Variants in SNAP91 observed in about 807,000 individuals in gnomAD.
SNAP91 encodes the protein clathrin coat assembly protein AP180.
In SNAP91, 27 loss-of-function variants were observed where a neutral mutation model predicts 100.3. The ratio of observed to expected loss-of-function variants is 0.27; its 90% CI spans 0.20 to 0.37. The LOEUF is 0.37. SNAP91 is among the 10% of genes least tolerant of loss of function. The pLI is 1.00. For synonymous variants in SNAP91, 404 were observed against 398.6 expected (o/e 1.01, Z -0.16); for missense variants, 986 against 1,123.7 (o/e 0.88, Z 1.75).
intron 8 of SNAP91, among the ~76,000 whole-genome samples, chr6:83,635,629 A>C (rs911748568): frequency 6.6e-6 from 1 of 150,702 alleles, no homozygotes; most frequent in African/African-American, 2.5e-5. Flanking sequence ...TTTTAATCCA[A>C]CTTGCCACTC....
At chr6:83,681,861 A>T (rs2098994380) in intron 2 of SNAP91, among the ~76,000 whole-genome samples, 1 of 152,152 alleles carries the variant, frequency 6.6e-6, no homozygotes, top group Non-Finnish European at 1.5e-5. Context: ...TGGACTGAAA[A>T]ACAGTTTAAA....
chr6:83,707,855 C>A lies in SNAP91; in HGVS notation c.73G>T (p.Ala25Ser). 1 of 1,613,046 alleles carries A rather than the reference C, an allele frequency of 6.2e-7. No individual in the cohort carries two copies. The highest frequency in any genetic ancestry group is 8.5e-7 in the Non-Finnish European group (1 of 1,179,540). The part of the protein sequence containing the change: ...YSVTGSAVAR[A>S]VCKATTHEVM... Reference sequence around the variant, plus strand: ...TCATGAGTAGTGGCTTTGCAGACCGCTCTTGCTACAGCAGAGCCTGTAACG... The same window carrying A: ...TCATGAGTAGTGGCTTTGCAGACCGATCTTGCTACAGCAGAGCCTGTAACG... Residue 25 changes from alanine (A) to serine (S), a missense_variant, in exon 2 of 30, where the codon GCG (alanine) becomes TCG (serine). Physicochemically the swap from Ala to Ser is moderately conservative, Grantham distance 99. Coordinates refer to ENST00000369694, the MANE Select transcript of SNAP91 (RefSeq NM_001242792.2).
chr6:83,686,263 T>C (rs931643665), intron 2 of SNAP91: 3 of 880,520 alleles, frequency 3.4e-6, no homozygotes, highest in African/African-American at 1.8e-5. Flanking sequence ...TCACAGGTAA[T>C]AGTTGGTTAC....
At chr6:83,633,359 G>T (rs2097289522) in intron 8 of SNAP91, among the ~76,000 whole-genome samples, 1 of 152,178 alleles carries the variant, frequency 6.6e-6, no homozygotes, top group Admixed American at 6.5e-5. Flanking sequence ...TTGGCCTCCT[G>T]CCAGGAGGTG....
chr6:83,601,216 C>A, intron 16 of SNAP91, 55 bp downstream of exon 16: 1 of 1,584,524 alleles, frequency 6.3e-7, no homozygotes, highest in East Asian at 2.2e-5. Flanking sequence ...GACCTTAACT[C>A]CCAAGTAATT....
At chr6:83,695,276 C>CAAAAAAAA (rs56103542) in intron 2 of SNAP91, among the ~76,000 whole-genome samples, 7 of 67,288 alleles carry the variant, frequency 1.0e-4, no homozygotes, top group African/African-American at 1.3e-4. Context: ...GGCTCCATCT[C>CAAAAAAAA]AAAAAAAAAA....
At chr6:83,657,758 A>C (rs1023354824) in intron 6 of SNAP91, among the ~76,000 whole-genome samples, 8 of 126,246 alleles carry the variant, frequency 6.3e-5, no homozygotes, top group African/African-American at 2.4e-4. Flanking sequence ...ACTTTCATGA[A>C]TCAGATTTCA....
chr6:83,566,065 G>A (rs1481760283), intron 26 of SNAP91, among the ~76,000 whole-genome samples: 1 of 151,680 alleles, frequency 6.6e-6, no homozygotes, highest in Middle Eastern at 3.2e-3. Flanking sequence ...ACTGATGAAT[G>A]GATAAACAAA....
At chr6:83,575,925 G>T (rs79446373) in intron 25 of SNAP91, 98 bp downstream of exon 25, 2 of 673,676 alleles carry the variant, frequency 3.0e-6, no homozygotes, top group South Asian at 1.9e-5. Context: ...TATCTAGCAT[G>T]AGAATGAATA....
intron 8 of SNAP91, among the ~76,000 whole-genome samples, chr6:83,624,947 C>T (rs2096874366): frequency 1.3e-5 from 2 of 151,936 alleles, no homozygotes; most frequent in South Asian, 4.1e-4. Context: ...TACAAGGGTA[C>T]ATTGTATGAT....
At chr6:83,672,007 G>T (rs181140215) in intron 2 of SNAP91, among the ~76,000 whole-genome samples, 1 of 151,772 alleles carries the variant, frequency 6.6e-6, no homozygotes, top group Admixed American at 6.6e-5. Context: ...AACCCCCTGG[G>T]GCCTACTGCT....
chr6:83,667,988 AAAAC>A (rs1167804609), intron 2 of SNAP91, among the ~76,000 whole-genome samples: 1 of 152,308 alleles, frequency 6.6e-6, no homozygotes, highest in African/African-American at 2.4e-5. Flanking sequence ...TTACAAGAAA[AAAAC>A]AAACAACCCC....
At chr6:83,678,807 C>A in intron 2 of SNAP91, 1 of 1,287,660 alleles carries the variant, frequency 7.8e-7, no homozygotes, top group South Asian at 1.2e-5. Flanking sequence ...CCTCATCTTA[C>A]TTCCTAGGAG....
chr6:83,657,691 A>G (rs1490678157), intron 6 of SNAP91, among the ~76,000 whole-genome samples: 1 of 152,182 alleles, frequency 6.6e-6, no homozygotes, highest in Non-Finnish European at 1.5e-5. Flanking sequence ...CAACTACCAA[A>G]ATACAAAAAG....
At chr6:83,580,398 C>G in intron 24 of SNAP91, 52 bp downstream of exon 24, 1 of 1,522,834 alleles carries the variant, frequency 6.6e-7, no homozygotes, top group Non-Finnish European at 8.9e-7. Context: ...AAACAAAAAA[C>G]AATTCACATA....
chr6:83,664,158 G>C (rs2098628020), intron 3 of SNAP91, among the ~76,000 whole-genome samples: 1 of 152,076 alleles, frequency 6.6e-6, no homozygotes, highest in Admixed American at 6.6e-5. Flanking sequence ...GTCACCATAA[G>C]AGCTCTGATG....
intron 16 of SNAP91, among the ~76,000 whole-genome samples, chr6:83,594,930 T>C (rs1382399881): frequency 6.6e-6 from 1 of 152,180 alleles, no homozygotes; most frequent in Non-Finnish European, 1.5e-5. Flanking sequence ...TTAATGCCAA[T>C]AAAATTAAAT....
intron 2 of SNAP91, chr6:83,678,837 C>T: frequency 7.8e-7 from 1 of 1,277,292 alleles, no homozygotes; most frequent in Non-Finnish European, 1.0e-6. Flanking sequence ...AATAAAAATC[C>T]AAGTCTGTTT....
intron 24 of SNAP91, among the ~76,000 whole-genome samples, chr6:83,579,253 G>A (rs1824419802): frequency 6.6e-6 from 1 of 152,168 alleles, no homozygotes; most frequent in Admixed American, 6.5e-5. Context: ...CTCAAAGGTG[G>A]TTGACAGCTG....
Sources: gnomAD v4.1 joint callset for allele counts (sites outside exome capture counted in the v4.1 genomes callset) on GRCh38, gnomAD v4.1.1 for gene constraint, MANE v1.5 for transcripts, NCBI Gene and HGNC (gene_info 2026-07-23, HGNC 2026-07-21) for gene names.